The following FRMPD4 variants were observed in gnomAD, a reference collection of about 807,000 sequenced individuals.
FRMPD4 encodes the protein FERM and PDZ domain-containing protein 4.
FRMPD4 carries 22 observed loss-of-function variants against 94.1 expected under a neutral mutation model. The ratio of observed to expected loss-of-function variants is 0.23; its 90% CI spans 0.17 to 0.33. The LOEUF (loss-of-function observed/expected upper bound fraction) is 0.33, where lower values mean the gene tolerates loss of function less well. FRMPD4 is among the 10% of genes least tolerant of loss of function. The pLI is 1.00. For missense variants in FRMPD4, 1,111 were observed against 1,339.9 expected (o/e 0.83, Z 2.67); for synonymous variants, 631 against 548.6 (o/e 1.15, Z -2.10).
chrX:11,959,387 C>T (rs187203532), intron 3 of FRMPD4, among the ~76,000 whole-genome samples: 29 of 112,225 alleles, frequency 2.6e-4, no homozygotes, highest in Non-Finnish European at 4.7e-4. Flanking sequence ...AAAAGAGAAA[C>T]GTGTATGTCA....
intron 1 of FRMPD4, among the ~76,000 whole-genome samples, chrX:12,436,841 A>G (rs1415660669): frequency 9.0e-6 from 1 of 111,469 alleles, no homozygotes; most frequent in Non-Finnish European, 1.9e-5. Flanking sequence ...TCATTTCTTC[A>G]TCGGTTTACT....
intron 2 of FRMPD4, among the ~76,000 whole-genome samples, chrX:12,520,772 CACACCCAAA>C (rs1214982513): frequency 8.9e-6 from 1 of 112,121 alleles, no homozygotes; most frequent in African/African-American, 3.2e-5. Flanking sequence ...GTGGAAGCCA[CACACCCAAA>C]ACTGAACCAG....
At chrX:12,130,030 A>G (rs2055535097) in intron 3 of FRMPD4, among the ~76,000 whole-genome samples, 1 of 110,294 alleles carries the variant, frequency 9.1e-6, no homozygotes, top group Non-Finnish European at 1.9e-5. Flanking sequence ...TGCATCAATT[A>G]GGCATGCATT....
chrX:12,214,756 A>G (rs1310843544), intron 1 of FRMPD4, among the ~76,000 whole-genome samples: 1 of 112,290 alleles, frequency 8.9e-6, no homozygotes, highest in Non-Finnish European at 1.9e-5. Flanking sequence ...AGGTGATAGA[A>G]TATTAATCAT....
Position 11,950,671 on chromosome X carries a change from C to G in FRMPD4, c.95+72653C>G, listed in dbSNP as rs144221989. Among the ~76,000 whole-genome samples the G allele has an allele frequency of 4.4e-3, 495 of 111,657 alleles. 3 individuals are homozygous for G. The highest frequency in any genetic ancestry group is 0.015 in the African/African-American group (465 of 30,721). On this transcript the variant is annotated intron_variant, in intron 3 of 18. Coordinates refer to the FRMPD4 transcript ENST00000640291. ...TTAAAACATACATGCAGCCAACAAG[C>G]ATATTTAAAAAGCTCAACATCACTG...
intron 2 of FRMPD4, among the ~76,000 whole-genome samples, chrX:12,577,832 A>G (rs750296526): frequency 8.0e-5 from 9 of 112,512 alleles, no homozygotes; most frequent in Non-Finnish European, 1.5e-4. Flanking sequence ...CAACACTCAC[A>G]TGCCTACCTA....
chrX:11,961,061 A>G (rs2054281039), intron 3 of FRMPD4, among the ~76,000 whole-genome samples: 1 of 111,570 alleles, frequency 9.0e-6, no homozygotes, highest in African/African-American at 3.3e-5. Context: ...TTGCCCTTGG[A>G]ATTTTCTAAC....
At chrX:12,238,050 G>A (rs2057090121) in intron 1 of FRMPD4, among the ~76,000 whole-genome samples, 1 of 112,173 alleles carries the variant, frequency 8.9e-6, no homozygotes, top group Non-Finnish European at 1.9e-5. Context: ...ACAGGGTTGA[G>A]TGGTTGCAAC....
intron 1 of FRMPD4, among the ~76,000 whole-genome samples, chrX:12,305,487 C>T (rs993434508): frequency 8.1e-5 from 9 of 110,687 alleles, no homozygotes; most frequent in African/African-American, 2.6e-4. Context: ...ATGTGGAAAT[C>T]TTCATAAATG....
chrX:12,264,954 C>T (rs2054249408), intron 1 of FRMPD4, among the ~76,000 whole-genome samples: 1 of 111,843 alleles, frequency 8.9e-6, no homozygotes. Context: ...TAAAGTAGGC[C>T]AGTTTTCAGT....
At chrX:12,159,949 G>A (rs974932195) in intron 1 of FRMPD4, among the ~76,000 whole-genome samples, 4 of 111,626 alleles carry the variant, frequency 3.6e-5, no homozygotes, top group Non-Finnish European at 3.8e-5. Context: ...TGCAGCTTGT[G>A]ACTGGGAAGG....
chrX:12,189,985 A>C (rs949538307), intron 1 of FRMPD4, among the ~76,000 whole-genome samples: 14 of 110,818 alleles, frequency 1.3e-4, no homozygotes, highest in African/African-American at 4.3e-4. Flanking sequence ...AATAATCAAC[A>C]AAAAAATTCC....
chrX:11,987,097 T>TCAAAAAAAAAAAAAAAAA (rs1569137639), intron 3 of FRMPD4, among the ~76,000 whole-genome samples: 1 of 14,642 alleles, frequency 6.8e-5, no homozygotes, highest in African/African-American at 4.8e-4. Flanking sequence ...CAAAGACACA[T>TCAAAAAAAAAAAAAAAAA]TAAAAAAAAA....
intron 3 of FRMPD4, among the ~76,000 whole-genome samples, chrX:11,962,773 GAC>G (rs894371584): frequency 8.9e-6 from 1 of 112,034 alleles, no homozygotes; most frequent in African/African-American, 3.2e-5. Flanking sequence ...AGACATGTAG[GAC>G]ACAGAGTCCC....
chrX:11,907,785 A>AT (rs887409765), intron 3 of FRMPD4, among the ~76,000 whole-genome samples: 3 of 111,027 alleles, frequency 2.7e-5, no homozygotes, highest in Admixed American at 9.5e-5. Flanking sequence ...TGGGTTCTTG[A>AT]TTTTTTCCCC....
At chrX:12,333,483 C>A (rs1239007845) in intron 1 of FRMPD4, among the ~76,000 whole-genome samples, 1 of 111,639 alleles carries the variant, frequency 9.0e-6, no homozygotes, top group Non-Finnish European at 1.9e-5. Flanking sequence ...CAAAATGAAT[C>A]TTCATTCCTT....
chrX:12,095,377 C>CAA (rs201645954), intron 3 of FRMPD4, among the ~76,000 whole-genome samples: 1,478 of 72,799 alleles, frequency 0.02, 12 homozygotes, highest in Middle Eastern at 0.028. Flanking sequence ...CTCTCTGTCT[C>CAA]AAAAAAAAAA....
intron 1 of FRMPD4, among the ~76,000 whole-genome samples, chrX:12,322,321 C>T (rs2055219101): frequency 1.8e-5 from 2 of 111,385 alleles, no homozygotes; most frequent in Admixed American, 1.9e-4. Flanking sequence ...TCTGAATTAT[C>T]TCCCAACAAG....
intron 2 of FRMPD4, among the ~76,000 whole-genome samples, chrX:12,560,334 C>T (rs1318323591): frequency 9.1e-6 from 1 of 109,379 alleles, no homozygotes; most frequent in Non-Finnish European, 1.9e-5. Flanking sequence ...AAGAAATCAG[C>T]AAGAAAAAAT....
Sources: gnomAD v4.1 joint callset for allele counts (sites outside exome capture counted in the v4.1 genomes callset) on GRCh38, gnomAD v4.1.1 for gene constraint, MANE v1.5 for transcripts, NCBI Gene and HGNC (gene_info 2026-07-23, HGNC 2026-07-21) for gene names.